The following ST7 variants were observed in gnomAD, a reference collection of about 807,000 sequenced individuals.
ST7 encodes the protein suppressor of tumorigenicity 7 protein.
A neutral mutation model predicts 78.7 loss-of-function variants in ST7; 28 were observed. The ratio of observed to expected loss-of-function variants is 0.36; its 90% CI spans 0.26 to 0.49. ST7 has a LOEUF of 0.49. ST7 is among the 20% of genes least tolerant of loss of function. ST7 has a pLI of 0.99. For synonymous variants in ST7, 247 were observed against 249.6 expected, an observed-to-expected ratio of 0.99 and a Z score of 0.10; for missense variants, 418 against 696.0, an observed-to-expected ratio of 0.60 and a Z score of 4.49.
At chr7:117,130,938 A>G (rs1804297196) in intron 5 of ST7, among the ~76,000 whole-genome samples, 1 of 151,876 alleles carries the variant, frequency 6.6e-6, no homozygotes, top group Non-Finnish European at 1.5e-5. Flanking sequence ...CCTTTATGAT[A>G]TTCAAAGTAG....
chr7:117,100,194 G>A (rs767869544), intron 2 of ST7, among the ~76,000 whole-genome samples: 1 of 152,092 alleles, frequency 6.6e-6, no homozygotes, highest in Non-Finnish European at 1.5e-5. Context: ...ATATGGGGCT[G>A]GGCGCAGTGG....
intron 9 of ST7, among the ~76,000 whole-genome samples, chr7:117,154,058 A>T (rs1333216492): frequency 6.6e-6 from 1 of 152,184 alleles, no homozygotes; most frequent in East Asian, 1.9e-4. Context: ...GATTAACTAA[A>T]GGAGTACTAC....
chr7:117,142,702 C>T (rs1001223645), intron 9 of ST7, among the ~76,000 whole-genome samples: 1 of 152,112 alleles, frequency 6.6e-6, no homozygotes, highest in Non-Finnish European at 1.5e-5. Flanking sequence ...ACCTCCACCT[C>T]CTGGGTTCAA....
chr7:117,096,054 C>A (rs546057386), intron 1 of ST7, among the ~76,000 whole-genome samples: 2 of 107,744 alleles, frequency 1.9e-5, no homozygotes, highest in Non-Finnish European at 3.4e-5. Context: ...GGCAACAGAG[C>A]GAGATTCTGC....
intron 1 of ST7, among the ~76,000 whole-genome samples, chr7:117,049,557 G>A (rs1359401355): frequency 7.9e-5 from 12 of 152,146 alleles, no homozygotes. Flanking sequence ...CCACAGGTAT[G>A]CCTTTCTTAT....
intron 1 of ST7, among the ~76,000 whole-genome samples, chr7:117,006,441 A>G (rs897312736): frequency 6.6e-6 from 1 of 152,238 alleles, no homozygotes; most frequent in African/African-American, 2.4e-5. Flanking sequence ...AAGCATTGCT[A>G]GGCATTAGAT....
intron 6 of ST7, 59 bp from the exon 7 acceptor site, chr7:117,134,065 T>C: frequency 6.3e-7 from 1 of 1,599,802 alleles, no homozygotes; most frequent in Non-Finnish European, 8.5e-7. Context: ...ACATAGTGAC[T>C]CTCTCTGAAT....
intron 1 of ST7, among the ~76,000 whole-genome samples, chr7:117,006,750 T>G (rs1795172941): frequency 6.6e-6 from 1 of 152,230 alleles, no homozygotes; most frequent in Non-Finnish European, 1.5e-5. Flanking sequence ...GTCGTGCCAT[T>G]TTTCCAATGG....
chr7:117,171,266 G>A (rs376132562), intron 10 of ST7, among the ~76,000 whole-genome samples: 6 of 151,966 alleles, frequency 3.9e-5, no homozygotes, highest in African/African-American at 9.7e-5. Flanking sequence ...TTACCTCTGC[G>A]GTCAGGAATC....
At chr7:117,197,480 A>T (rs1810425743) in intron 12 of ST7, among the ~76,000 whole-genome samples, 2 of 152,212 alleles carry the variant, frequency 1.3e-5, no homozygotes, top group Non-Finnish European at 2.9e-5. Flanking sequence ...AGAAGCACTT[A>T]AGGCTCTTGA....
intron 1 of ST7, among the ~76,000 whole-genome samples, chr7:117,041,112 A>G (rs1230380325): frequency 6.6e-6 from 1 of 152,210 alleles, no homozygotes; most frequent in Non-Finnish European, 1.5e-5. Flanking sequence ...GAGGGCCCTC[A>G]ACATGAACAA....
intron 9 of ST7, among the ~76,000 whole-genome samples, chr7:117,156,126 C>G (rs1398779347): frequency 6.6e-6 from 1 of 152,184 alleles, no homozygotes; most frequent in Non-Finnish European, 1.5e-5. Flanking sequence ...ATCTGACAGT[C>G]TATGGATTTT....
At chr7:117,199,143 G>A (rs1307974598) in intron 12 of ST7, 5 of 152,260 alleles carry the variant, frequency 3.3e-5, no homozygotes, top group African/African-American at 9.7e-5. Context: ...AAGCAGAGAA[G>A]TGTGAGTGGA....
At chr7:116,998,514 G>T (rs576464482) in intron 1 of ST7, among the ~76,000 whole-genome samples, 1 of 152,376 alleles carries the variant, frequency 6.6e-6, no homozygotes, top group East Asian at 1.9e-4. Context: ...AGGAGGTGCC[G>T]AGAGTGAGCA....
In ST7 at chr7:117,166,273, A is replaced by ATATAGTT. The variant is rs1417129442; in HGVS notation, c.964-4587_964-4581dup. ...AAGAAAAGCATGATTTTATTACAAA[A>ATATAGTT]TATAGTTTGTATCCTGCTTTCTCTA... On this transcript the variant is annotated intron_variant, in intron 9 of 15. Coordinates refer to ENST00000323984, the MANE Select transcript of ST7 (RefSeq NM_001369598.1). Among the ~76,000 whole-genome samples the ATATAGTT allele has an allele frequency of 2.0e-5, 3 of 152,026 alleles. No homozygotes were observed. The East Asian group carries it at 5.8e-4, about 29-fold the overall frequency.
At chr7:117,162,648 TAC>T (rs1807249156) in intron 9 of ST7, among the ~76,000 whole-genome samples, 1 of 151,966 alleles carries the variant, frequency 6.6e-6, no homozygotes, top group African/African-American at 2.4e-5. Flanking sequence ...TCCATTTTGC[TAC>T]AGTCTGCCAA....
intron 1 of ST7, among the ~76,000 whole-genome samples, chr7:116,993,340 A>T (rs1377408074): frequency 6.6e-6 from 1 of 152,208 alleles, no homozygotes; most frequent in African/African-American, 2.4e-5. Flanking sequence ...GGCAAAAGGC[A>T]CTTCTTACAT....
chr7:116,968,917 T>C (rs1338058531), intron 1 of ST7, among the ~76,000 whole-genome samples: 2 of 152,134 alleles, frequency 1.3e-5, no homozygotes, highest in Non-Finnish European at 2.9e-5. Flanking sequence ...TCTGTTGGGG[T>C]TAAATTGGAG....
chr7:117,132,754 T>A (rs1021114444), intron 6 of ST7, among the ~76,000 whole-genome samples: 4 of 151,856 alleles, frequency 2.6e-5, no homozygotes, highest in Admixed American at 2.6e-4. Context: ...TCTGATTCTG[T>A]CATGCAACAT....
Sources: allele counts gnomAD v4.1 joint callset (sites outside exome capture counted in the v4.1 genomes callset), GRCh38; gene constraint gnomAD v4.1.1; transcripts MANE v1.5; gene names NCBI Gene and HGNC (gene_info 2026-07-23, HGNC 2026-07-21).